CTNNA2: variants seen among roughly 807,000 people sequenced by gnomAD.
CTNNA2 encodes the protein catenin alpha-2.
CTNNA2 carries 42 observed loss-of-function variants against 101.0 expected under a neutral mutation model. That is an observed-to-expected ratio of 0.42 (90% CI 0.32 to 0.54). The LOEUF is 0.54. CTNNA2 is among the 20% of genes least tolerant of loss of function. The pLI, the probability that CTNNA2 is intolerant of heterozygous loss-of-function variation, is 0.14. For synonymous variants in CTNNA2, 450 were observed against 456.4 expected (o/e 0.99, Z 0.18); for missense variants, 871 against 1,223.1 (o/e 0.71, Z 4.29).
intron 1 of CTNNA2, among the ~76,000 whole-genome samples, chr2:79,621,261 C>G (rs1205220860): frequency 1.3e-5 from 2 of 152,140 alleles, no homozygotes; most frequent in Admixed American, 1.3e-4. Context: ...AAGCAATGAG[C>G]ACCTCTAGCA....
intron 3 of CTNNA2, among the ~76,000 whole-genome samples, chr2:79,829,360 T>TACACACACACACACACAC (rs55934940): frequency 2.1e-4 from 24 of 113,198 alleles, no homozygotes; most frequent in South Asian, 8.4e-4. Context: ...CAACTAAAAC[T>TACACACACACACACACAC]ACACACACAC....
At chr2:79,660,246 T>G (rs1252257577) in intron 2 of CTNNA2, among the ~76,000 whole-genome samples, 2 of 133,268 alleles carry the variant, frequency 1.5e-5, no homozygotes, top group African/African-American at 5.2e-5. Flanking sequence ...ACTATATATG[T>G]GTATATACAT....
At chr2:79,965,827 C>CAAAAAAAAAAAAAAAAAAAACAAAAAAAA (rs1690004349) in intron 7 of CTNNA2, among the ~76,000 whole-genome samples, 1 of 77,996 alleles carries the variant, frequency 1.3e-5, no homozygotes, top group Non-Finnish European at 2.4e-5. Context: ...GAGACTATGT[C>CAAAAAAAAAAAAAAAAAAAACAAAAAAAA]AAAAAAAAAA....
chr2:79,780,387 G>T (rs1002807867), intron 3 of CTNNA2, among the ~76,000 whole-genome samples: 7 of 152,118 alleles, frequency 4.6e-5, no homozygotes, highest in Non-Finnish European at 8.8e-5. Context: ...AATCACATTT[G>T]ACTACCAGAC....
chr2:80,465,474 G>T (rs1175072912), intron 9 of CTNNA2, among the ~76,000 whole-genome samples: 1 of 152,130 alleles, frequency 6.6e-6, no homozygotes, highest in Non-Finnish European at 1.5e-5. Context: ...GAAAGAACTT[G>T]GCACATGTTG....
intron 4 of CTNNA2, among the ~76,000 whole-genome samples, chr2:79,429,811 G>A (rs918527065): frequency 2.6e-5 from 4 of 152,110 alleles, no homozygotes; most frequent in East Asian, 1.9e-4. Context: ...AACTGGGCCA[G>A]TAAGAAGAAA....
intron 9 of CTNNA2, among the ~76,000 whole-genome samples, chr2:80,489,145 A>G (rs939199506): frequency 1.3e-5 from 2 of 152,148 alleles, no homozygotes; most frequent in East Asian, 3.9e-4. Flanking sequence ...AGGTGACAGC[A>G]TTCAGCAAGT....
At chr2:79,547,160 G>A (rs1017394126) in intron 1 of CTNNA2, 1 of 152,096 alleles carries the variant, frequency 6.6e-6, no homozygotes, top group African/African-American at 2.4e-5. Context: ...CTTCTCACCA[G>A]AATGACTCTT....
At chr2:80,253,526 G>A (rs1274675381) in intron 7 of CTNNA2, among the ~76,000 whole-genome samples, 1 of 152,134 alleles carries the variant, frequency 6.6e-6, no homozygotes, top group Non-Finnish European at 1.5e-5. Flanking sequence ...GCCCTAGGAA[G>A]GATTGAGCTG....
intron 7 of CTNNA2, among the ~76,000 whole-genome samples, chr2:80,103,624 A>G (rs1403937688): frequency 6.6e-6 from 1 of 152,214 alleles, no homozygotes; most frequent in Non-Finnish European, 1.5e-5. Flanking sequence ...CTGTGTGTCT[A>G]CTACCAATTC....
intron 4 of CTNNA2, among the ~76,000 whole-genome samples, chr2:79,462,592 T>G (rs1378416538): frequency 6.6e-6 from 1 of 152,210 alleles, no homozygotes; most frequent in Non-Finnish European, 1.5e-5. Context: ...TATGTCAGTA[T>G]AGGAAATGTG....
chr2:80,606,334 A>T (rs1697998924), intron 16 of CTNNA2, among the ~76,000 whole-genome samples: 1 of 150,872 alleles, frequency 6.6e-6, no homozygotes, highest in African/African-American at 2.4e-5. Context: ...CTAAAGCATA[A>T]CTCAAAACAG....
intron 7 of CTNNA2, among the ~76,000 whole-genome samples, chr2:80,232,263 T>A (rs1355436134): frequency 6.6e-6 from 1 of 150,868 alleles, no homozygotes; most frequent in Non-Finnish European, 1.5e-5. Context: ...ATGTTACAGG[T>A]CATCGTCCTC....
chr2:79,474,079 C>T (rs1362865176), intron 4 of CTNNA2, among the ~76,000 whole-genome samples: 1 of 151,926 alleles, frequency 6.6e-6, no homozygotes, highest in Non-Finnish European at 1.5e-5. Flanking sequence ...AACCCTAACA[C>T]ATAATGAAAG....
Position 80,281,943 on chromosome 2 carries a change from GT to G in CTNNA2, c.1057-111256del, listed in dbSNP as rs200248652. 9.7e-3 allele frequency among the ~76,000 whole-genome samples: 1,417 copies of G among 146,412 alleles called. 29 individuals are homozygous for G. The highest frequency in any genetic ancestry group is 0.032 in the African/African-American group (1,300 of 40,560). On this transcript the variant is annotated intron_variant, in intron 7 of 18. Transcript: ENST00000402739. Reference sequence around the variant, plus strand: ...TTGGAAGATAATAGGTTTTTGGAAAGTTTTTTTTTTTTAATTTTCACCTTGG... The same window carrying G: ...TTGGAAGATAATAGGTTTTTGGAAAGTTTTTTTTTTTAATTTTCACCTTGG...
At chr2:80,424,183 T>C (rs575940415) in intron 9 of CTNNA2, among the ~76,000 whole-genome samples, 7 of 152,266 alleles carry the variant, frequency 4.6e-5, no homozygotes, top group African/African-American at 1.7e-4. Flanking sequence ...CTCAAACTCC[T>C]GACTTTGTGA....
intron 7 of CTNNA2, among the ~76,000 whole-genome samples, chr2:80,072,296 C>A (rs1013633448): frequency 1.3e-5 from 2 of 151,958 alleles, no homozygotes; most frequent in East Asian, 2.0e-4. Context: ...TGTCACCTAC[C>A]TTTTCTCCTC....
intron 2 of CTNNA2, among the ~76,000 whole-genome samples, chr2:79,239,211 ACT>A (rs1226988172): frequency 6.6e-6 from 1 of 152,110 alleles, no homozygotes; most frequent in Non-Finnish European, 1.5e-5. Flanking sequence ...CAGACTTCAG[ACT>A]CTACTATGAG....
At chr2:80,352,602 C>T (rs1158390233) in intron 7 of CTNNA2, among the ~76,000 whole-genome samples, 1 of 152,076 alleles carries the variant, frequency 6.6e-6, no homozygotes, top group Non-Finnish European at 1.5e-5. Flanking sequence ...AAATACTTTG[C>T]TTCTAAGAAT....
Sources: allele counts gnomAD v4.1 joint callset (sites outside exome capture counted in the v4.1 genomes callset), GRCh38; gene constraint gnomAD v4.1.1; transcripts MANE v1.5; gene names NCBI Gene and HGNC (gene_info 2026-07-23, HGNC 2026-07-21).